Variants in VGLL2 observed in about 807,000 individuals in gnomAD.
VGLL2 encodes the protein transcription cofactor vestigial-like protein 2.
VGLL2 carries 18 observed loss-of-function variants against 27.0 expected under a neutral mutation model. The observed-to-expected ratio is 0.67, with a 90% CI of 0.46 to 0.99. VGLL2 has a LOEUF of 0.99. Ranked by LOEUF, VGLL2 falls within the 50% of genes least tolerant of loss-of-function variation. VGLL2 has a pLI of 0.00. For missense variants in VGLL2, 491 were observed against 452.3 expected, an observed-to-expected ratio of 1.09 and a Z score of -0.78; for synonymous variants, 220 against 201.1, an observed-to-expected ratio of 1.09 and a Z score of -0.80.
rs1433952595 is a variant in VGLL2, at chr6:117,270,912, T to C, written c.761T>C (p.Leu254Pro). The C allele has an allele frequency of 3.2e-6, 4 of 1,254,924 alleles. No individual in the cohort carries two copies. Among genetic ancestry groups the C allele is most frequent in the Non-Finnish European group, 4.0e-6 (4 of 1,005,220 alleles). 77.7% of individuals were successfully genotyped at this position (1,254,924 alleles called of 1,614,324 possible). A position where few individuals can be genotyped will look rare whatever the true frequency, so the allele number is the denominator to read the frequency against. The part of the protein sequence containing the change: ...MPAASGRPAR[L>P]ATAPAPAPGS... ...GCCGCCTCGGGGCGCCCGGCCCGCC[T>C]CGCAACCGCCCCGGCGCCCGCGCCC... The change falls in exon 3 of 4, where the codon CTC becomes CCC. Residue 254 changes from leucine (L) to proline (P), a missense_variant. By Grantham distance (98) the Leu-to-Pro change is moderately conservative (BLOSUM62 -3). Coordinates refer to ENST00000326274, the MANE Select transcript of VGLL2 (RefSeq NM_182645.3).
chr6:117,265,737 A>G lies in VGLL2; in HGVS notation c.-27A>G, dbSNP rs755453594. 9 of 1,605,476 alleles carry G rather than the reference A, an allele frequency of 5.6e-6. No individual in the cohort carries two copies. Among genetic ancestry groups the G allele is most frequent in the African/African-American group, 5.4e-5 (4 of 74,750 alleles). ...GGGGAAGGAGAGTTAATGAAAAAACACTTAACCGTCTCCGCTGCGGAGAGT... is the reference window on the plus strand; with the variant it reads ...GGGGAAGGAGAGTTAATGAAAAAACGCTTAACCGTCTCCGCTGCGGAGAGT... On this transcript the variant is annotated 5_prime_UTR_variant, in exon 1 of 4. Transcript: ENST00000326274.
At chr6:117,266,209 C>T (rs1773065126) in intron 1 of VGLL2, among the ~76,000 whole-genome samples, 1 of 152,188 alleles carries the variant, frequency 6.6e-6, no homozygotes, top group African/African-American at 2.4e-5. Context: ...GCAGGAAAAA[C>T]CAAACTTTGG....
intron 2 of VGLL2, among the ~76,000 whole-genome samples, chr6:117,269,491 A>T (rs1329787415): frequency 6.6e-6 from 1 of 152,214 alleles, no homozygotes; most frequent in African/African-American, 2.4e-5. Flanking sequence ...CTTAGACAAG[A>T]TCCAAAAAAC....
intron 2 of VGLL2, among the ~76,000 whole-genome samples, chr6:117,270,204 G>C (rs1773152759): frequency 6.6e-6 from 1 of 152,064 alleles, no homozygotes; most frequent in South Asian, 2.1e-4. Context: ...ACTTGAGTCG[G>C]GGAGGGAGTC....
chr6:117,270,888 C>A lies in VGLL2; in HGVS notation c.737C>A (p.Ala246Asp). The change falls in exon 3 of 4, where the codon GCC (alanine) becomes GAC (aspartate). Residue 246 changes from alanine (A) to aspartate (D), a missense_variant. Transcript: ENST00000326274. ...DPRYGPLLMP[A>D]ASGRPARLAT... is the part of the protein sequence containing the mutation. ...CGCTATGGGCCGCTGCTGATGCCAGCCGCCTCGGGGCGCCCGGCCCGCCTC... is the reference window on the plus strand; with the variant it reads ...CGCTATGGGCCGCTGCTGATGCCAGACGCCTCGGGGCGCCCGGCCCGCCTC... The A allele has an allele frequency of 7.6e-7, 1 of 1,310,422 alleles. No homozygotes were observed. The highest frequency in any genetic ancestry group is 9.7e-7 in the Non-Finnish European group (1 of 1,030,640). 81.2% of individuals were successfully genotyped at this position (1,310,422 alleles called of 1,614,324 possible). A position where few individuals can be genotyped will look rare whatever the true frequency, so the allele number is the denominator to read the frequency against.
At position 117,265,693 on chromosome 6, in the gene VGLL2, T is replaced by C. The variant is rs889444820; in HGVS notation, c.-71T>C. 9 of 1,392,454 alleles carry C rather than the reference T, an allele frequency of 6.5e-6. No individual in the cohort carries two copies. Among genetic ancestry groups the C allele is most frequent in the Middle Eastern group, 1.9e-4 (1 of 5,218 alleles). The allele number at this position is 1,392,454 out of a possible 1,614,324, so 86.3% of individuals were successfully genotyped here. On this transcript the variant is annotated 5_prime_UTR_variant, in exon 1 of 4. An upstream start codon of the reference 5' UTR is lost. Transcript: ENST00000326274. ...AGAGCGCGGGTCCAAGCGCCGCCCA[T>C]GCAGCACCCCTGAGCTCCGGGGAAG... is the stretch of plus-strand genomic sequence containing the variant.
At position 117,265,894 on chromosome 6, in the gene VGLL2, G is replaced by A. The variant is rs966996321; in HGVS notation, c.81+50G>A. 3.3e-6 allele frequency: 5 copies of A among 1,530,810 alleles called. No individual in the cohort carries two copies. In the African/African-American group the frequency reaches 6.8e-5, roughly 21 times the overall value. The allele number at this position is 1,530,810 out of a possible 1,614,324, so 94.8% of individuals were successfully genotyped here. ...GGGAAGGAGTGCGCGCCCCCCGTTTGCGGCGGCATGGCCTGTACGCCAAGG... is the reference window on the plus strand; with the variant it reads ...GGGAAGGAGTGCGCGCCCCCCGTTTACGGCGGCATGGCCTGTACGCCAAGG... On this transcript the variant is annotated intron_variant, in intron 1 of 3. Coordinates refer to ENST00000326274, the MANE Select transcript of VGLL2 (RefSeq NM_182645.3).
Position 117,270,838 on chromosome 6 carries a change from A to T in VGLL2, c.687A>T (p.Glu229Asp). 1 of 1,426,402 alleles carries T rather than the reference A, an allele frequency of 7.0e-7. No homozygotes were observed. The highest frequency in any genetic ancestry group is 9.2e-7 in the Non-Finnish European group (1 of 1,091,682). The allele number at this position is 1,426,402 out of a possible 1,614,324, so 88.4% of individuals were successfully genotyped here. A position where few individuals can be genotyped will look rare whatever the true frequency, so the allele number is the denominator to read the frequency against. Residue 229 changes from glutamate to aspartate, a missense_variant, in exon 3 of 4, where the codon GAA becomes GAT. Glu to Asp is a conservative substitution (Grantham distance 45, BLOSUM62 2). Coordinates refer to ENST00000326274, the MANE Select transcript of VGLL2 (RefSeq NM_182645.3). ...APYPRPAAVH[E>D]VYAPHFDPRY... ...ACCCGCGCCCCGCCGCCGTGCACGA[A>T]GTCTACGCGCCGCACTTCGACCCGC...
intron 2 of VGLL2, among the ~76,000 whole-genome samples, chr6:117,268,914 T>C (rs1228591984): frequency 6.6e-6 from 1 of 152,162 alleles, no homozygotes; most frequent in African/African-American, 2.4e-5. Context: ...CCCAAACCAG[T>C]GAGTGAAGGA....
intron 1 of VGLL2, among the ~76,000 whole-genome samples, chr6:117,266,592 A>G (rs1773073460): frequency 6.6e-6 from 1 of 152,176 alleles, no homozygotes; most frequent in African/African-American, 2.4e-5. Context: ...TTCAAGTTCC[A>G]TTTAATTCTG....
At chr6:117,269,213 C>G (rs570923832) in intron 2 of VGLL2, among the ~76,000 whole-genome samples, 16 of 152,198 alleles carry the variant, frequency 1.1e-4, no homozygotes, top group African/African-American at 3.9e-4. Flanking sequence ...TTTTTTCTAC[C>G]CTAGGACAAT....
chr6:117,270,554 C>T lies in VGLL2; in HGVS notation c.403C>T (p.Pro135Ser). Residue 135 changes from proline to serine, a missense_variant, in exon 3 of 4, where the codon CCG (proline) becomes TCG (serine). Physicochemically the swap from Pro to Ser is moderately conservative, Grantham distance 74. Coordinates refer to ENST00000326274, the MANE Select transcript of VGLL2 (RefSeq NM_182645.3). ...SSGPWRDCSF[P>S]MSQRSFPASF... ...CGGCCGGCCTACAGACTGCTCCTTCCCGATGAGCCAGCGCAGCTTCCCCGC... is the reference window on the plus strand; with the variant it reads ...CGGCCGGCCTACAGACTGCTCCTTCTCGATGAGCCAGCGCAGCTTCCCCGC... 6.3e-7 allele frequency: 1 copy of T among 1,598,512 alleles called. No homozygotes were observed. The highest frequency in any genetic ancestry group is 8.5e-7 in the Non-Finnish European group (1 of 1,173,932).
Position 117,272,902 on chromosome 6 carries a change from G to C in VGLL2, c.*408G>C. 1 of 209,330 alleles carries C rather than the reference G, an allele frequency of 4.8e-6. No homozygotes were observed. Among genetic ancestry groups the C allele is most frequent in the African/African-American group, 2.3e-5 (1 of 42,796 alleles). The allele number at this position is 209,330 out of a possible 1,614,324, so 13.0% of individuals were successfully genotyped here. On this transcript the variant is annotated 3_prime_UTR_variant, in exon 4 of 4. Transcript: ENST00000326274. ...TACTGTCAGATTTTAAATTGTATGT[G>C]TACTTGCATCTAAGACTGTGGTAGA...
chr6:117,271,331 A>C (rs1773197070), intron 3 of VGLL2, among the ~76,000 whole-genome samples: 2 of 146,684 alleles, frequency 1.4e-5, no homozygotes, highest in Non-Finnish European at 3.0e-5. Context: ...AATGATAATA[A>C]TAATAATAAT....
rs551527453 is a variant in VGLL2 at position 117,271,709 on chromosome 6, T to TA, written c.913+649dup. ...TAGAGTAGCTGCTGAGAGTACAATTTAAAATCTTCTGTGGCTTGGGGGATC... is the reference window on the plus strand; with the variant it reads ...TAGAGTAGCTGCTGAGAGTACAATTTAAAAATCTTCTGTGGCTTGGGGGATC... On this transcript the variant is annotated intron_variant, in intron 3 of 3. Coordinates refer to ENST00000326274, the MANE Select transcript of VGLL2 (RefSeq NM_182645.3). Among the ~76,000 whole-genome samples, 163 of 152,336 alleles carry TA rather than the reference T, an allele frequency of 1.1e-3. 1 individual carries two copies. Among genetic ancestry groups the TA allele is most frequent in the African/African-American group, 3.6e-3 (148 of 41,574 alleles).
chr6:117,265,867 T>C, intron 1 of VGLL2, 23 bp downstream of exon 1: 2 of 1,607,532 alleles, frequency 1.2e-6, no homozygotes. Context: ...TCTGGGGACT[T>C]TGGGAAGGAG....
chr6:117,269,871 A>G (rs2128516961), intron 2 of VGLL2, among the ~76,000 whole-genome samples: 1 of 152,304 alleles, frequency 6.6e-6, no homozygotes. Context: ...TTCTGTGCAA[A>G]TAATAGAGCT....
chr6:117,270,950 T>G lies in VGLL2; in HGVS notation c.799T>G (p.Cys267Gly). Reference sequence around the variant, plus strand: ...GGCGCCCGCGCCCGGCAGTCCTCCCTGCGAGCTCTCCGGCAAAGGCGAGCC... The same window carrying G: ...GGCGCCCGCGCCCGGCAGTCCTCCCGGCGAGCTCTCCGGCAAAGGCGAGCC... ...APAPAPGSPPCELSGKGEPAG... is the reference protein window; with the variant it reads ...APAPAPGSPPGELSGKGEPAG... The change falls in exon 3 of 4, where the codon TGC (cysteine) becomes GGC (glycine). Residue 267 changes from cysteine to glycine, a missense_variant. Physicochemically the swap from Cys to Gly is radical, Grantham distance 159. Coordinates refer to ENST00000326274, the MANE Select transcript of VGLL2 (RefSeq NM_182645.3). The G allele has an allele frequency of 8.1e-7, 1 of 1,236,900 alleles. No individual in the cohort carries two copies. Among genetic ancestry groups the G allele is most frequent in the Non-Finnish European group, 1.0e-6 (1 of 994,944 alleles). 76.6% of individuals were successfully genotyped at this position (1,236,900 alleles called of 1,614,324 possible). A position where few individuals can be genotyped will look rare whatever the true frequency, so the allele number is the denominator to read the frequency against.
At position 117,272,551 on chromosome 6, in the gene VGLL2, G is replaced by A. The variant is rs371368285; in HGVS notation, c.*57G>A. ...CCTTCTGACCAGCCTTGGAGGCTCA[G>A]CATCTGTGCCTCTCACTCCGTGGAT... On this transcript the variant is annotated 3_prime_UTR_variant, in exon 4 of 4. Transcript: ENST00000326274. 167 of 1,612,534 alleles carry A rather than the reference G, an allele frequency of 1.0e-4. No homozygotes were observed. The highest frequency in any genetic ancestry group is 1.4e-4 in the Non-Finnish European group (164 of 1,179,254).
Sources: gnomAD v4.1 joint callset for allele counts (sites outside exome capture counted in the v4.1 genomes callset) on GRCh38, gnomAD v4.1.1 for gene constraint, MANE v1.5 for transcripts, NCBI Gene and HGNC (gene_info 2026-07-23, HGNC 2026-07-21) for gene names.